Variants in TBC1D22A observed in about 807,000 individuals in gnomAD.
The protein encoded by TBC1D22A is putative GTPase activator.
In TBC1D22A, 38 loss-of-function variants were observed where a neutral mutation model predicts 60.2. That is an observed-to-expected ratio of 0.63 (90% CI 0.49 to 0.83). The LOEUF is 0.83. TBC1D22A is among the 40% of genes least tolerant of loss of function. TBC1D22A has a pLI of 0.00. For missense variants in TBC1D22A, 628 were observed against 701.0 expected (o/e 0.90, Z 1.18); for synonymous variants, 302 against 281.7 (o/e 1.07, Z -0.72).
At chr22:46,909,066 C>T (rs74333114) in intron 7 of TBC1D22A, among the ~76,000 whole-genome samples, 18,163 of 152,174 alleles carry the variant, frequency 0.12, 1,242 homozygotes, top group Middle Eastern at 0.16. Context: ...GGGCTCCCCT[C>T]GGCATCCTCC....
At chr22:46,845,017 C>G (rs757882213) in intron 4 of TBC1D22A, among the ~76,000 whole-genome samples, 91 of 152,148 alleles carry the variant, frequency 6.0e-4, no homozygotes, top group Non-Finnish European at 1.5e-4. Flanking sequence ...CCAGTGGGCC[C>G]TGGTGTTTCT....
chr22:47,069,912 C>T lies in TBC1D22A; in HGVS notation c.1329+32714C>T, dbSNP rs1247840439. 9.0e-3 allele frequency among the ~76,000 whole-genome samples: 1,217 copies of T among 134,842 alleles called. 28 individuals are homozygous for T. The highest frequency in any genetic ancestry group is 0.018 in the African/African-American group (607 of 33,172). 88.5% of individuals were successfully genotyped at this position (134,842 alleles called of 152,430 possible). ...CGGAGCTGACTTGACGGTTCCAGCG[C>T]TGTCCCCTGTTGTTTGGTTGGAGCA... On this transcript the variant is annotated intron_variant, in intron 11 of 12. Coordinates refer to ENST00000337137, the MANE Select transcript of TBC1D22A (RefSeq NM_014346.5).
intron 11 of TBC1D22A, among the ~76,000 whole-genome samples, chr22:47,093,311 A>C (rs2065050555): frequency 6.6e-6 from 1 of 152,066 alleles, no homozygotes; most frequent in Non-Finnish European, 1.5e-5. Flanking sequence ...GTGACCTTGG[A>C]TCTCTCCTCA....
At chr22:47,083,642 G>T (rs998234612) in intron 11 of TBC1D22A, among the ~76,000 whole-genome samples, 2 of 152,158 alleles carry the variant, frequency 1.3e-5, no homozygotes, top group Non-Finnish European at 2.9e-5. Context: ...GCTGAGCTCT[G>T]TGAATCTGTC....
At chr22:47,085,832 G>C (rs1346460300) in intron 11 of TBC1D22A, among the ~76,000 whole-genome samples, 1 of 152,144 alleles carries the variant, frequency 6.6e-6, no homozygotes, top group East Asian at 1.9e-4. Flanking sequence ...TGTTCACCGG[G>C]AATCCAGAGA....
At chr22:47,106,330 T>C (rs2065630815) in intron 11 of TBC1D22A, among the ~76,000 whole-genome samples, 5 of 152,146 alleles carry the variant, frequency 3.3e-5, no homozygotes, top group Admixed American at 3.3e-4. Context: ...GAAAGACCAA[T>C]ATCTCTAGCA....
chr22:47,109,275 A>T (rs900789808), intron 11 of TBC1D22A, among the ~76,000 whole-genome samples: 1 of 152,210 alleles, frequency 6.6e-6, no homozygotes, highest in Non-Finnish European at 1.5e-5. Flanking sequence ...AAAGACATAC[A>T]CTCACTGTCA....
intron 7 of TBC1D22A, among the ~76,000 whole-genome samples, chr22:46,903,767 G>C (rs1438299668): frequency 1.3e-5 from 2 of 152,206 alleles, no homozygotes; most frequent in African/African-American, 4.8e-5. Context: ...GAATCTCCTT[G>C]AAGAGATTCT....
At position 47,162,242 on chromosome 22, in the gene TBC1D22A, G is replaced by T. The variant is rs188009809; in HGVS notation, c.1426-11256G>T. Among the ~76,000 whole-genome samples, 635 of 150,364 alleles carry T rather than the reference G, an allele frequency of 4.2e-3. 3 individuals carry two copies. Among genetic ancestry groups the T allele is most frequent in the Non-Finnish European group, 7.0e-3 (477 of 67,740 alleles). Reference sequence around the variant, plus strand: ...TAAGGTTTTGTGTATTGAACTTACCGGTCTTGTATTCCTCCTGGACTGGGA... The same window carrying T: ...TAAGGTTTTGTGTATTGAACTTACCTGTCTTGTATTCCTCCTGGACTGGGA... On this transcript the variant is annotated intron_variant, in intron 12 of 12. Coordinates refer to ENST00000337137, the MANE Select transcript of TBC1D22A (RefSeq NM_014346.5).
At chr22:47,165,815 A>T (rs2068187072) in intron 12 of TBC1D22A, among the ~76,000 whole-genome samples, 1 of 152,040 alleles carries the variant, frequency 6.6e-6, no homozygotes, top group Admixed American at 6.5e-5. Flanking sequence ...GGGCCTCCCC[A>T]CTGCAGACAG....
At chr22:47,133,824 T>G (rs938330597) in intron 12 of TBC1D22A, among the ~76,000 whole-genome samples, 2 of 152,198 alleles carry the variant, frequency 1.3e-5, no homozygotes, top group Admixed American at 1.3e-4. Context: ...GGCTTCAGGC[T>G]GGCAGCACGA....
intron 3 of TBC1D22A, among the ~76,000 whole-genome samples, chr22:46,796,878 A>G (rs1418677602): frequency 6.6e-6 from 1 of 152,174 alleles, no homozygotes; most frequent in African/African-American, 2.4e-5. Flanking sequence ...CCTTCCTCCC[A>G]GGGCACTGGT....
At chr22:47,153,679 A>G (rs984718224) in intron 12 of TBC1D22A, among the ~76,000 whole-genome samples, 1 of 152,036 alleles carries the variant, frequency 6.6e-6, no homozygotes, top group African/African-American at 2.4e-5. Context: ...GATGCCTAGG[A>G]GGTGTGCCTA....
chr22:47,044,007 G>GTGCTGGGGGGGAGCCT (rs1404724778), intron 11 of TBC1D22A, among the ~76,000 whole-genome samples: 1 of 79,202 alleles, frequency 1.3e-5, no homozygotes, highest in African/African-American at 5.2e-5. Context: ...AGCAGGGCAG[G>GTGCTGGGGGGGAGCCT]GCTCCGCCTT....
intron 5 of TBC1D22A, among the ~76,000 whole-genome samples, chr22:46,884,506 G>C (rs530626959): frequency 6.6e-6 from 1 of 152,338 alleles, no homozygotes; most frequent in Admixed American, 6.5e-5. Flanking sequence ...TGGAGACCGA[G>C]AGAGGGTGCT....
At chr22:46,784,605 G>A (rs2084080830) in intron 1 of TBC1D22A, among the ~76,000 whole-genome samples, 1 of 152,142 alleles carries the variant, frequency 6.6e-6, no homozygotes, top group East Asian at 1.9e-4. Flanking sequence ...ATGAATTTCC[G>A]GCTGTCCCGG....
chr22:47,099,423 C>T (rs1025342716), intron 11 of TBC1D22A, among the ~76,000 whole-genome samples: 2 of 151,984 alleles, frequency 1.3e-5, no homozygotes, highest in African/African-American at 2.4e-5. Flanking sequence ...CAGCCTCGTC[C>T]CTGCTTTCTT....
intron 1 of TBC1D22A, among the ~76,000 whole-genome samples, chr22:46,783,647 T>A (rs1376181147): frequency 1.3e-5 from 2 of 152,022 alleles, no homozygotes; most frequent in East Asian, 3.9e-4. Context: ...ATTTCGCATT[T>A]AAAAAATTTT....
chr22:46,855,249 T>C (rs901929195), intron 4 of TBC1D22A, among the ~76,000 whole-genome samples: 1 of 152,232 alleles, frequency 6.6e-6, no homozygotes, highest in Admixed American at 6.5e-5. Context: ...TATGGTCCCC[T>C]TACCTATACA....
Sources: gnomAD v4.1 joint callset for allele counts (sites outside exome capture counted in the v4.1 genomes callset) on GRCh38, gnomAD v4.1.1 for gene constraint, MANE v1.5 for transcripts, NCBI Gene and HGNC (gene_info 2026-07-23, HGNC 2026-07-21) for gene names.